Variants in RABGAP1L observed in about 807,000 individuals in gnomAD.
RABGAP1L encodes the protein rab GTPase-activating protein 1-like.
Under a neutral mutation model 137.7 loss-of-function variants are expected in RABGAP1L, and 63 were observed. The observed-to-expected ratio is 0.46, with a 90% confidence interval of 0.37 to 0.56. The LOEUF (loss-of-function observed/expected upper bound fraction) is 0.56. RABGAP1L is among the 20% of genes least tolerant of loss of function. The pLI, the probability that RABGAP1L is intolerant of heterozygous loss-of-function variation, is 0.00. For synonymous variants in RABGAP1L, 431 were observed against 433.7 expected (o/e 0.99, Z 0.08); for missense variants, 1,095 against 1,244.0 (o/e 0.88, Z 1.80).
intron 11 of RABGAP1L, chr1:174,367,071 G>A (rs1291576596): frequency 1.3e-5 from 2 of 152,064 alleles, no homozygotes; most frequent in Admixed American, 1.3e-4. Context: ...AAACACAGTC[G>A]TCACACAATA....
intron 13 of RABGAP1L, among the ~76,000 whole-genome samples, chr1:174,519,147 A>G (rs770941337): frequency 6.6e-6 from 1 of 151,460 alleles, no homozygotes; most frequent in Non-Finnish European, 1.5e-5. Flanking sequence ...ATATGTATAT[A>G]CTTTTTGTTT....
rs1232198860 is a variant in RABGAP1L, at chr1:174,988,968, C to T, written c.3003+130C>T. The T allele has an allele frequency of 2.5e-5, 16 of 648,142 alleles. No homozygotes were observed. The South Asian group carries it at 7.5e-4, about 30-fold the overall frequency. 40.1% of individuals were successfully genotyped at this position (648,142 alleles called of 1,614,324 possible). A position where few individuals can be genotyped will look rare whatever the true frequency, so the allele number is the denominator to read the frequency against. ...ATACATTTTCTGTCTGCTAATGTGT[C>T]CTGCATAATCACATTTTATATCATG... On this transcript the variant is annotated intron_variant, in intron 25 of 25. Coordinates refer to ENST00000681986, the MANE Select transcript of RABGAP1L (RefSeq NM_001366446.1).
rs60151300 is a variant in RABGAP1L, at chr1:174,543,207, C to T, written c.1711-94168C>T. On this transcript the variant is annotated intron_variant, in intron 13 of 25. Transcript: ENST00000681986. Reference sequence around the variant, plus strand: ...TTGACAGTGGGGTGTTAAAGTCTCCCATTATTATTGTGTGGGAGTCTAAGT... The same window carrying T: ...TTGACAGTGGGGTGTTAAAGTCTCCTATTATTATTGTGTGGGAGTCTAAGT... 7.0e-4 allele frequency among the ~76,000 whole-genome samples: 106 copies of T among 152,200 alleles called. 3 individuals carry two copies. In the East Asian group the frequency reaches 0.019, roughly 27 times the overall value.
chr1:174,985,643 G>C (rs1558307779), intron 24 of RABGAP1L, among the ~76,000 whole-genome samples: 2 of 152,090 alleles, frequency 1.3e-5, no homozygotes, highest in Admixed American at 1.3e-4. Flanking sequence ...CTTTTGTCAT[G>C]ATCACCCCCC....
chr1:174,202,648 T>C (rs1213958122), intron 1 of RABGAP1L, among the ~76,000 whole-genome samples: 4 of 152,198 alleles, frequency 2.6e-5, no homozygotes, highest in Non-Finnish European at 4.4e-5. Context: ...AGTAGCTCTT[T>C]AGTTTAATTA....
At chr1:174,373,209 T>A (rs1351076014) in intron 12 of RABGAP1L, among the ~76,000 whole-genome samples, 1 of 152,032 alleles carries the variant, frequency 6.6e-6, no homozygotes, top group Non-Finnish European at 1.5e-5. Context: ...CGGCAGGAAG[T>A]GAGATGGGAG....
At chr1:174,534,192 A>C (rs972372807) in intron 13 of RABGAP1L, among the ~76,000 whole-genome samples, 2 of 146,362 alleles carry the variant, frequency 1.4e-5, no homozygotes, top group African/African-American at 2.5e-5. Flanking sequence ...GTCCCTAAAC[A>C]ATATTTAGCA....
chr1:174,618,371 G>T (rs1370192763), intron 13 of RABGAP1L, among the ~76,000 whole-genome samples: 3 of 150,546 alleles, frequency 2.0e-5, no homozygotes, highest in Admixed American at 6.6e-5. Context: ...CCCACGCGTA[G>T]CCTAACTGGG....
At chr1:174,196,287 G>C (rs1176319149) in intron 1 of RABGAP1L, among the ~76,000 whole-genome samples, 1 of 148,734 alleles carries the variant, frequency 6.7e-6, no homozygotes, top group Non-Finnish European at 1.5e-5. Context: ...GCAGTGGCAC[G>C]ATCTTGGCTC....
intron 19 of RABGAP1L, chr1:174,945,845 C>A (rs1316779545): frequency 7.9e-5 from 12 of 152,178 alleles, no homozygotes; most frequent in Admixed American, 7.9e-4. Context: ...CTGCTTTAAG[C>A]TATAAATCTT....
chr1:174,851,670 G>A (rs1223246949), intron 19 of RABGAP1L, among the ~76,000 whole-genome samples: 1 of 150,772 alleles, frequency 6.6e-6, no homozygotes, highest in Non-Finnish European at 1.5e-5. Flanking sequence ...GCACCACCAT[G>A]CACAGCTTTT....
chr1:174,232,412 G>A (rs1670742515), intron 4 of RABGAP1L, among the ~76,000 whole-genome samples: 1 of 151,720 alleles, frequency 6.6e-6, no homozygotes, highest in Non-Finnish European at 1.5e-5. Flanking sequence ...TCAAACTCGG[G>A]AGATGGAGGT....
intron 19 of RABGAP1L, among the ~76,000 whole-genome samples, chr1:174,842,311 A>G (rs537167114): frequency 4.9e-4 from 74 of 152,260 alleles, no homozygotes; most frequent in African/African-American, 1.6e-3. Flanking sequence ...GATAACCCCA[A>G]TATACCCACA....
chr1:174,419,281 G>A (rs528588763), intron 13 of RABGAP1L, among the ~76,000 whole-genome samples: 1 of 152,240 alleles, frequency 6.6e-6, no homozygotes, highest in Admixed American at 6.5e-5. Flanking sequence ...CAGTAGATCT[G>A]GGATAGAGCT....
chr1:174,373,589 T>TG lies in RABGAP1L; in HGVS notation c.1559+2517_1559+2518insG, dbSNP rs539065977. Reference sequence around the variant, plus strand: ...AACTGTCAGGGCAGGGGACAACTGTTTAGTTCCACACTTCTGAAGAGATAC... The same window carrying TG: ...AACTGTCAGGGCAGGGGACAACTGTTGTAGTTCCACACTTCTGAAGAGATAC... On this transcript the variant is annotated intron_variant, in intron 12 of 25. Coordinates refer to ENST00000681986, the MANE Select transcript of RABGAP1L (RefSeq NM_001366446.1). Among the ~76,000 whole-genome samples the TG allele has an allele frequency of 1.2e-3, 186 of 152,300 alleles. 1 individual carries two copies. The highest frequency in any genetic ancestry group is 4.4e-3 in the African/African-American group (181 of 41,562).
chr1:174,939,552 A>G (rs1665483932), intron 19 of RABGAP1L, among the ~76,000 whole-genome samples: 1 of 151,894 alleles, frequency 6.6e-6, no homozygotes, highest in Non-Finnish European at 1.5e-5. Flanking sequence ...TCTCACAAAA[A>G]AAAAAAAAAA....
chr1:174,373,917 T>C (rs1274086267), intron 12 of RABGAP1L, among the ~76,000 whole-genome samples: 3 of 152,042 alleles, frequency 2.0e-5, no homozygotes, highest in Non-Finnish European at 4.4e-5. Flanking sequence ...TACAAAAGGG[T>C]AAAAGCTGGG....
chr1:174,392,208 C>A (rs1386464211), intron 12 of RABGAP1L, among the ~76,000 whole-genome samples: 2 of 152,122 alleles, frequency 1.3e-5, no homozygotes, highest in East Asian at 1.9e-4. Flanking sequence ...AATTTAAAAT[C>A]ATTATAAATA....
At chr1:174,474,694 C>T (rs905712972) in intron 13 of RABGAP1L, among the ~76,000 whole-genome samples, 1 of 152,168 alleles carries the variant, frequency 6.6e-6, no homozygotes, top group African/African-American at 2.4e-5. Context: ...CCTCCTCCTC[C>T]TGGGTTCCAG....
Sources: allele counts gnomAD v4.1 joint callset (sites outside exome capture counted in the v4.1 genomes callset), GRCh38; gene constraint gnomAD v4.1.1; transcripts MANE v1.5; gene names NCBI Gene and HGNC (gene_info 2026-07-23, HGNC 2026-07-21).